The following HMGCS1 variants were observed in gnomAD, a reference collection of about 807,000 sequenced individuals.
HMGCS1 encodes hydroxymethylglutaryl-CoA synthase, cytoplasmic.
HMGCS1 carries 9 observed loss-of-function variants against 52.3 expected under a neutral mutation model. The observed-to-expected ratio is 0.17, with a 90% CI of 0.10 to 0.30. The LOEUF is 0.30. Among genes scored for constraint, HMGCS1 ranks in the 10% least tolerant of loss-of-function variants. The pLI, the probability that HMGCS1 is intolerant of heterozygous loss-of-function variation, is 1.00. For missense variants in HMGCS1, 320 were observed against 620.9 expected (o/e 0.52, Z 5.15); for synonymous variants, 176 against 214.4 (o/e 0.82, Z 1.57).
Position 43,299,673 on chromosome 5 carries a change from AAATCAATC to A in HMGCS1, c.-10-706_-10-699del, listed in dbSNP as rs3086309. 4.7e-5 allele frequency among the ~76,000 whole-genome samples: 7 copies of A among 149,016 alleles called. No individual in the cohort carries two copies. The East Asian group carries it at 5.8e-4, about 12-fold the overall frequency. On this transcript the variant is annotated intron_variant, in intron 2 of 10. Coordinates refer to ENST00000325110, the MANE Select transcript of HMGCS1 (RefSeq NM_001098272.3). The stretch of plus-strand genomic sequence containing the variant: ...TCAAAAAAAAAAAAAGAAAAAGTAA[AAATCAATC>A]AATCAATCAATCAATCAATCATGTA...
In HMGCS1 at chr5:43,290,660, A is replaced by G. The variant is rs1468870428; in HGVS notation, c.*471T>C. ...CCACATTTTACCCCAATTTTACCACACTGGGGAATGTTGTCACATTCCCCA... is the reference window on the plus strand; with the variant it reads ...CCACATTTTACCCCAATTTTACCACGCTGGGGAATGTTGTCACATTCCCCA... On this transcript the variant is annotated 3_prime_UTR_variant, in exon 11 of 11. Coordinates refer to ENST00000325110, the MANE Select transcript of HMGCS1 (RefSeq NM_001098272.3). 2 of 152,956 alleles carry G rather than the reference A, an allele frequency of 1.3e-5. No homozygotes were observed. Among genetic ancestry groups the G allele is most frequent in the Non-Finnish European group, 2.9e-5 (2 of 68,552 alleles). 9.5% of individuals were successfully genotyped at this position (152,956 alleles called of 1,614,324 possible). A position where few individuals can be genotyped will look rare whatever the true frequency, so the allele number is the denominator to read the frequency against.
chr5:43,308,073 T>C lies in HMGCS1; in HGVS notation c.-69-249A>G, dbSNP rs189399995. ...ATAAACGGATATAAGAAGCCTACTATTGCAGGAAGGAATAAACAAAAAAAC... is the reference window on the plus strand; with the variant it reads ...ATAAACGGATATAAGAAGCCTACTACTGCAGGAAGGAATAAACAAAAAAAC... On this transcript the variant is annotated intron_variant, in intron 1 of 10. Transcript: ENST00000325110. Among the ~76,000 whole-genome samples the C allele has an allele frequency of 2.8e-4, 42 of 152,214 alleles. 1 individual carries two copies. Among genetic ancestry groups the C allele is most frequent in the South Asian group, 2.5e-3 (12 of 4,828 alleles).
chr5:43,298,930 G>C lies in HMGCS1; in HGVS notation c.36C>G (p.Cys12Trp). Residue 12 changes from cysteine to tryptophan, a missense_variant, in exon 3 of 11, where the codon TGC (cysteine) becomes TGG (tryptophan). Around this residue, in one of 3 missense-constraint regions of HMGCS1, gnomAD observed 22 missense variants for 23.5 expected, o/e 0.94. Coordinates refer to ENST00000325110, the MANE Select transcript of HMGCS1 (RefSeq NM_001098272.3). The surrounding 1 kb of genome is among the most constrained non-coding windows in gnomAD (Gnocchi z 5.6). Reference protein sequence around the residue: ...PGSLPLNAEACWPKDVGIVAL... With the variant: ...PGSLPLNAEAWWPKDVGIVAL... ...CAACAATTCCCACATCTTTTGGCCA[G>C]CAAGCTTCTGCATTCAAAGGAAGTG... 1 of 1,613,620 alleles carries C rather than the reference G, an allele frequency of 6.2e-7. No individual in the cohort carries two copies. Among genetic ancestry groups the C allele is most frequent in the Non-Finnish European group, 8.5e-7 (1 of 1,179,820 alleles).
Position 43,291,085 on chromosome 5 carries a change from A to ACCCCCAGACCCCCCCC in HMGCS1, c.*45_*46insGGGGGGGGTCTGGGGG. 1 of 514,254 alleles carries ACCCCCAGACCCCCCCC rather than the reference A, an allele frequency of 1.9e-6. No homozygotes were observed. Among genetic ancestry groups the ACCCCCAGACCCCCCCC allele is most frequent in the Non-Finnish European group, 3.9e-6 (1 of 255,674 alleles). 31.9% of individuals were successfully genotyped at this position (514,254 alleles called of 1,614,324 possible). On this transcript the variant is annotated 3_prime_UTR_variant, in exon 11 of 11. Coordinates refer to ENST00000325110, the MANE Select transcript of HMGCS1 (RefSeq NM_001098272.3). The stretch of plus-strand genomic sequence containing the variant: ...TTCCTCCAACTGTTCCCATACCCCC[A>ACCCCCAGACCCCCCCC]CCCCATGCCCACCCCACCCTGAAGT...
rs767403990 is a variant in HMGCS1, at chr5:43,292,936, A to G, written c.1221T>C (p.Asp407=). ...ALDKITASLC[D]LKSRLDSRTG... ...TTCTTGAATCAAGCCTTGATTTAAG[A>G]TCACATAAACTTGCTGTTATTTTAT... The change falls in exon 9 of 11, where the codon GAT becomes GAC. Residue 407 remains aspartate, a synonymous_variant. Transcript: ENST00000325110. 1.9e-6 allele frequency: 3 copies of G among 1,607,718 alleles called. No individual in the cohort carries two copies. The highest frequency in any genetic ancestry group is 2.5e-6 in the Non-Finnish European group (3 of 1,177,852).
Position 43,289,919 on chromosome 5 carries a change from A to C in HMGCS1, c.*1212T>G, listed in dbSNP as rs1471600971. 6.7e-6 allele frequency: 1 copy of C among 148,412 alleles called. No individual in the cohort carries two copies. Among genetic ancestry groups the C allele is most frequent in the Non-Finnish European group, 1.5e-5 (1 of 66,670 alleles). 9.2% of individuals were successfully genotyped at this position (148,412 alleles called of 1,614,324 possible). The stretch of plus-strand genomic sequence containing the variant: ...TATAAGGCTCATGTCATAGTTCAGC[A>C]CCAAAAAGATCTACACAAAACTGTT... On this transcript the variant is annotated 3_prime_UTR_variant, in exon 11 of 11. Transcript: ENST00000325110.
chr5:43,309,171 G>A lies in HMGCS1; in HGVS notation c.-69-1347C>T, dbSNP rs564698314. ...TATGTATATGCATTTGACACTACTT[G>A]TATCAAGGAAATTTTCCTTGAACTG... is the stretch of plus-strand genomic sequence containing the variant. On this transcript the variant is annotated intron_variant, in intron 1 of 10. Transcript: ENST00000325110. Among the ~76,000 whole-genome samples the A allele has an allele frequency of 2.1e-4, 31 of 151,120 alleles. No individual in the cohort carries two copies. In the South Asian group the frequency reaches 6.5e-3, roughly 32 times the overall value.
chr5:43,292,700 C>A (rs768391982), intron 9 of HMGCS1, 63 bp from the exon 10 acceptor site: 4 of 1,537,554 alleles, frequency 2.6e-6, no homozygotes, highest in Non-Finnish European at 3.6e-6. Flanking sequence ...GGTAATAAAG[C>A]TAAAGATAAG....
intron 2 of HMGCS1, among the ~76,000 whole-genome samples, chr5:43,302,474 C>T (rs917879896): frequency 1.3e-5 from 2 of 152,162 alleles, no homozygotes; most frequent in African/African-American, 4.8e-5. Flanking sequence ...CATTTCTTGC[C>T]TATCCTTCTA....
chr5:43,295,177 A>G (rs1289401432), intron 6 of HMGCS1, among the ~76,000 whole-genome samples: 3 of 152,240 alleles, frequency 2.0e-5, no homozygotes, highest in East Asian at 3.8e-4. Context: ...ATATTCATCA[A>G]CTGAATAGAA....
intron 1 of HMGCS1, among the ~76,000 whole-genome samples, chr5:43,312,193 T>C (rs1754903934): frequency 6.6e-6 from 1 of 152,230 alleles, no homozygotes; most frequent in African/African-American, 2.4e-5. Flanking sequence ...CTGTTAACTC[T>C]AGGAGCACTT....
intron 6 of HMGCS1, among the ~76,000 whole-genome samples, chr5:43,295,169 A>G (rs1320885391): frequency 1.3e-5 from 2 of 152,258 alleles, no homozygotes; most frequent in Non-Finnish European, 2.9e-5. Context: ...TCAACTGAAT[A>G]TTCATCAACT....
intron 5 of HMGCS1, among the ~76,000 whole-genome samples, chr5:43,296,396 G>C (rs1360394860): frequency 6.6e-6 from 1 of 152,100 alleles, no homozygotes; most frequent in Non-Finnish European, 1.5e-5. Context: ...TTCTTATCCA[G>C]AGCGACTAAA....
chr5:43,293,134 A>C (rs1753859907), intron 8 of HMGCS1, among the ~76,000 whole-genome samples, 161 bp from the exon 9 acceptor site: 1 of 152,204 alleles, frequency 6.6e-6, no homozygotes, highest in Non-Finnish European at 1.5e-5. Flanking sequence ...CTATTTGACA[A>C]ATCTCCTATG....
intron 2 of HMGCS1, among the ~76,000 whole-genome samples, chr5:43,307,307 A>G (rs1434702788): frequency 1.3e-5 from 2 of 151,988 alleles, no homozygotes; most frequent in African/African-American, 4.8e-5. Context: ...TCCTGACCTC[A>G]GGTGATCCAC....
chr5:43,299,257 CAAA>C (rs907813984), intron 2 of HMGCS1, among the ~76,000 whole-genome samples: 1 of 152,076 alleles, frequency 6.6e-6, no homozygotes. Context: ...AAACAACACT[CAAA>C]TAAGATTTTC....
intron 6 of HMGCS1, 74 bp downstream of exon 6, chr5:43,295,678 G>T: frequency 8.8e-7 from 1 of 1,130,724 alleles, no homozygotes; most frequent in East Asian, 2.4e-5. Context: ...TCTCAGGTCT[G>T]TACAAATAAC....
intron 2 of HMGCS1, among the ~76,000 whole-genome samples, chr5:43,302,751 GCAGT>G (rs1754381389): frequency 1.3e-5 from 2 of 152,220 alleles, no homozygotes; most frequent in Non-Finnish European, 2.9e-5. Flanking sequence ...TCCCTAAGCA[GCAGT>G]CAAAGTAGGC....
At chr5:43,292,146 C>G (rs982028130) in intron 10 of HMGCS1, among the ~76,000 whole-genome samples, 1 of 151,786 alleles carries the variant, frequency 6.6e-6, no homozygotes, top group Non-Finnish European at 1.5e-5. Context: ...GCACGTGCCA[C>G]CAAGCCCAAC....
Sources: allele counts gnomAD v4.1 joint callset (sites outside exome capture counted in the v4.1 genomes callset), GRCh38; gene constraint gnomAD v4.1.1; regional missense constraint gnomAD v4.1.1; non-coding constraint Gnocchi (gnomAD v3.1); transcripts MANE v1.5; gene names NCBI Gene and HGNC (gene_info 2026-07-23, HGNC 2026-07-21).